SRPRB: variants seen among roughly 807,000 people sequenced by gnomAD.
SRPRB encodes SRP receptor subunit beta.
Under a neutral mutation model 31.9 loss-of-function variants are expected in SRPRB, and 20 were observed. The ratio of observed to expected loss-of-function variants is 0.63; its 90% CI spans 0.44 to 0.91. The LOEUF (loss-of-function observed/expected upper bound fraction) is 0.91. Among genes scored for constraint, SRPRB ranks in the 40% least tolerant of loss-of-function variants. The pLI, the probability that SRPRB is intolerant of heterozygous loss-of-function variation, is 0.00. For missense variants in SRPRB, 321 were observed against 324.9 expected, an observed-to-expected ratio of 0.99 and a Z score of 0.09; for synonymous variants, 146 against 132.8, an observed-to-expected ratio of 1.10 and a Z score of -0.68.
At chr3:133,825,805 T>C (rs2107981411), downstream of SRPRB, 1 of 152,322 alleles carries the variant, frequency 6.6e-6, no homozygotes, top group South Asian at 2.1e-4. Context: ...ATCTGCCAGG[T>C]CACGTCTAGT....
Position 133,805,917 on chromosome 3 carries a change from A to G in SRPRB, c.69A>G (p.Leu23=), listed in dbSNP as rs1179086053. The change falls in exon 1 of 7, where the codon CTA becomes CTG. Residue 23 remains leucine (L), a synonymous_variant. Coordinates refer to ENST00000678299, the MANE Select transcript of SRPRB (RefSeq NM_001379313.1). The stretch of plus-strand genomic sequence containing the variant: ...CCGGGGGCACCTTCCAGCCCTACCT[A>G]GACACCTTGCGGCAGGAGCTGCAGC... ...GGAGGTFQPY[L]DTLRQELQQT... 6.2e-7 allele frequency: 1 copy of G among 1,613,942 alleles called. No individual in the cohort carries two copies. The highest frequency in any genetic ancestry group is 1.7e-5 in the Admixed American group (1 of 60,010).
chr3:133,815,805 G>A (rs1269843908), intron 5 of SRPRB, 79 bp downstream of exon 5: 8 of 1,518,782 alleles, frequency 5.3e-6, no homozygotes, highest in Non-Finnish European at 6.3e-6. Context: ...ATTATTTACA[G>A]TTGTTATTAT....
downstream of SRPRB, chr3:133,828,108 C>T (rs576687348): frequency 3.1e-6 from 2 of 639,346 alleles, no homozygotes; most frequent in South Asian, 3.6e-5. Flanking sequence ...GGGAGCAGTT[C>T]CTCTGGGGGC....
At chr3:133,823,259 G>T (rs1935502413), downstream of SRPRB, among the ~76,000 whole-genome samples, 1 of 152,128 alleles carries the variant, frequency 6.6e-6, no homozygotes, top group African/African-American at 2.4e-5. Flanking sequence ...ATTGTTTCAA[G>T]GGTTTTTTTG....
At chr3:133,786,485 A>G (rs1375478096) in intron 1 of SRPRB, 1 of 152,154 alleles carries the variant, frequency 6.6e-6, no homozygotes, top group African/African-American at 2.4e-5. Context: ...TAGTGAGGCA[A>G]GGTTAACCAT....
chr3:133,817,072 ATAAT>A (rs1421851143), intron 6 of SRPRB, 140 bp downstream of exon 6: 2 of 601,992 alleles, frequency 3.3e-6, no homozygotes, highest in African/African-American at 3.9e-5. Context: ...TATTTGTTAA[ATAAT>A]TTACAAAATA....
At chr3:133,794,746 C>T (rs1210841826) in intron 1 of SRPRB, 2 of 152,140 alleles carry the variant, frequency 1.3e-5, no homozygotes, top group East Asian at 3.8e-4. Context: ...AGTTTCTCTC[C>T]CGAAGAAGAT....
At chr3:133,800,381 T>C (rs1317930540) in intron 1 of SRPRB, among the ~76,000 whole-genome samples, 2 of 152,208 alleles carry the variant, frequency 1.3e-5, no homozygotes, top group Non-Finnish European at 1.5e-5. Flanking sequence ...AGCTTAGATA[T>C]GGTGCAATCA....
chr3:133,819,863 T>A lies in SRPRB; in HGVS notation c.*97T>A. On this transcript the variant is annotated 3_prime_UTR_variant, in exon 7 of 7. Transcript: ENST00000678299. ...GTTGATGAGGAAGGGGTACAAGATG[T>A]GGTTAGAAACATTTCTTTGTTCTGG... is the stretch of plus-strand genomic sequence containing the variant. 9.2e-7 allele frequency: 1 copy of A among 1,086,518 alleles called. No homozygotes were observed. The highest frequency in any genetic ancestry group is 1.4e-6 in the Non-Finnish European group (1 of 740,722). 67.3% of individuals were successfully genotyped at this position (1,086,518 alleles called of 1,614,324 possible).
intron 4 of SRPRB, among the ~76,000 whole-genome samples, chr3:133,813,091 T>G (rs2107972484): frequency 6.6e-6 from 1 of 152,346 alleles, no homozygotes; most frequent in Middle Eastern, 3.4e-3. Flanking sequence ...ACTCCTGACC[T>G]CATCCATCTG....
chr3:133,819,158 A>G (rs1935420412), intron 6 of SRPRB, among the ~76,000 whole-genome samples: 1 of 152,212 alleles, frequency 6.6e-6, no homozygotes, highest in Admixed American at 6.5e-5. Flanking sequence ...CTCAAGATAA[A>G]AATACATACC....
At chr3:133,824,062 TTGG>T (rs1238208616), downstream of SRPRB, among the ~76,000 whole-genome samples, 2 of 152,056 alleles carry the variant, frequency 1.3e-5, no homozygotes, top group East Asian at 3.9e-4. Flanking sequence ...CCCTTCGGAG[TTGG>T]TGGACAGCCC....
At chr3:133,826,051 A>T (rs1935557012), downstream of SRPRB, 1 of 152,290 alleles carries the variant, frequency 6.6e-6, no homozygotes, top group Non-Finnish European at 1.5e-5. Context: ...CAAGACAAAA[A>T]TCAGGGAACC....
chr3:133,821,318 G>A lies in SRPRB; in HGVS notation c.*1552G>A, dbSNP rs1194994628. ...AGACCCTGACCCTGAGTCCTTACTT[G>A]AAAGCTGCTGCTGGTGTTCTGAGTG... On this transcript the variant is annotated 3_prime_UTR_variant, in exon 7 of 7. Coordinates refer to ENST00000678299, the MANE Select transcript of SRPRB (RefSeq NM_001379313.1). 1 of 152,220 alleles carries A rather than the reference G, an allele frequency of 6.6e-6. No homozygotes were observed. Among genetic ancestry groups the A allele is most frequent in the Non-Finnish European group, 1.5e-5 (1 of 68,042 alleles). 9.4% of individuals were successfully genotyped at this position (152,220 alleles called of 1,614,324 possible).
Position 133,819,745 on chromosome 3 carries a change from A to G in SRPRB, c.795A>G (p.Lys265=). ...CTGCTGACATCCAGGACTTGGAGAA[A>G]TGGCTGGCTAAAATTGCCTGAGAGG... ...VGSADIQDLE[K]WLAKIA is the part of the protein sequence containing the mutation. The change falls in exon 7 of 7, where the codon AAA becomes AAG. Residue 265 remains lysine, a synonymous_variant. Transcript: ENST00000678299. 1 of 1,614,112 alleles carries G rather than the reference A, an allele frequency of 6.2e-7. No homozygotes were observed.
chr3:133,819,238 T>C (rs540111023), intron 6 of SRPRB, among the ~76,000 whole-genome samples: 2 of 152,288 alleles, frequency 1.3e-5, no homozygotes, highest in African/African-American at 4.8e-5. Flanking sequence ...TTTAAAAATA[T>C]ATTTTTAGAC....
At chr3:133,800,573 C>A (rs182318666) in intron 1 of SRPRB, among the ~76,000 whole-genome samples, 47 of 152,278 alleles carry the variant, frequency 3.1e-4, no homozygotes, top group Admixed American at 2.7e-3. Context: ...TTGTATCTGA[C>A]GAAGAATATT....
intron 1 of SRPRB, chr3:133,784,471 A>AAAAAT (rs763086171): frequency 1.5e-4 from 16 of 105,596 alleles, no homozygotes; most frequent in African/African-American, 5.6e-4. Flanking sequence ...TTTGTTAAAA[A>AAAAAT]AATAATAATA....
Position 133,811,135 on chromosome 3 carries a change from A to C in SRPRB, c.346A>C (p.Ile116Leu). 1 of 1,614,216 alleles carries C rather than the reference A, an allele frequency of 6.2e-7. No individual in the cohort carries two copies. Among genetic ancestry groups the C allele is most frequent in the Non-Finnish European group, 8.5e-7 (1 of 1,180,024 alleles). ...NNNRGNSLTLIDLPGHESLRL... is the reference protein window; with the variant it reads ...NNNRGNSLTLLDLPGHESLRL... ...TCCCCAGGGCAATAGTCTGACCTTG[A>C]TTGACCTTCCCGGCCATGAGAGTTT... The change falls in exon 4 of 7, where the codon ATT becomes CTT. Residue 116 changes from isoleucine to leucine, a missense_variant. Coordinates refer to ENST00000678299, the MANE Select transcript of SRPRB (RefSeq NM_001379313.1).
Sources: allele counts gnomAD v4.1 joint callset (sites outside exome capture counted in the v4.1 genomes callset), GRCh38; gene constraint gnomAD v4.1.1; transcripts MANE v1.5; gene names NCBI Gene and HGNC (gene_info 2026-07-23, HGNC 2026-07-21).